The following SLC25A21 variants were observed in gnomAD, a reference collection of about 807,000 sequenced individuals.
SLC25A21 encodes solute carrier family 25 member 21, also known as mitochondrial 2-oxodicarboxylate carrier.
In SLC25A21, 47 loss-of-function variants were observed where a neutral mutation model predicts 43.8. The observed-to-expected ratio is 1.07, with a 90% CI of 0.85 to 1.37. The LOEUF (loss-of-function observed/expected upper bound fraction) is 1.37. SLC25A21 is among the 40% of genes most tolerant of loss of function. The probability of loss-of-function intolerance (pLI) is 0.00; values close to 1 mark genes in which losing one functional copy is unlikely to be tolerated. For synonymous variants in SLC25A21, 131 were observed against 121.3 expected, an observed-to-expected ratio of 1.08 and a Z score of -0.52; for missense variants, 352 against 350.2, an observed-to-expected ratio of 1.00 and a Z score of -0.04.
At position 37,152,412 on chromosome 14, in the gene SLC25A21, C is replaced by T. The variant is rs184457100; in HGVS notation, c.70+19869G>A. Among the ~76,000 whole-genome samples the T allele has an allele frequency of 7.5e-4, 101 of 135,452 alleles. 1 individual carries two copies. Among genetic ancestry groups the T allele is most frequent in the African/African-American group, 2.4e-3 (86 of 36,222 alleles). The allele number at this position is 135,452 out of a possible 152,430, so 88.9% of individuals were successfully genotyped here. A position where few individuals can be genotyped will look rare whatever the true frequency, so the allele number is the denominator to read the frequency against. On this transcript the variant is annotated intron_variant, in intron 1 of 9. Transcript: ENST00000331299. ...TTTTTTTTTTTTTTTGACAGAGTCT[C>T]GCTCTCTCACCCAGACTGAAGTGCA... is the stretch of plus-strand genomic sequence containing the variant.
intron 1 of SLC25A21, among the ~76,000 whole-genome samples, chr14:37,014,803 ATGTT>A (rs1247942832): frequency 6.6e-6 from 1 of 152,158 alleles, no homozygotes; most frequent in Non-Finnish European, 1.5e-5. Context: ...TGCAGAATAA[ATGTT>A]GTGTTGGCAG....
At chr14:36,934,891 A>T (rs1333232423) in intron 1 of SLC25A21, among the ~76,000 whole-genome samples, 1 of 152,006 alleles carries the variant, frequency 6.6e-6, no homozygotes, top group East Asian at 1.9e-4. Flanking sequence ...TTTCATTTTC[A>T]TGAGTTTCAT....
At chr14:37,012,584 T>G in intron 1 of SLC25A21, among the ~76,000 whole-genome samples, 1 of 152,214 alleles carries the variant, frequency 6.6e-6, no homozygotes, top group East Asian at 1.9e-4. Flanking sequence ...GTTTAGTATT[T>G]TCTGGAGTTT....
intron 1 of SLC25A21, among the ~76,000 whole-genome samples, chr14:36,898,298 T>A (rs1891302231): frequency 6.6e-6 from 1 of 152,192 alleles, no homozygotes; most frequent in Non-Finnish European, 1.5e-5. Flanking sequence ...GTGCTAGCAA[T>A]GAGCGAGGCT....
intron 1 of SLC25A21, among the ~76,000 whole-genome samples, chr14:37,148,536 T>G (rs1462677067): frequency 6.6e-6 from 1 of 152,216 alleles, no homozygotes. Flanking sequence ...GTCAAAGTAT[T>G]TGACGTCTAA....
intron 1 of SLC25A21, among the ~76,000 whole-genome samples, chr14:37,170,311 G>A (rs1964101018): frequency 6.6e-6 from 1 of 152,216 alleles, no homozygotes; most frequent in East Asian, 1.9e-4. Context: ...TGGGATTACA[G>A]GCGTAAGACA....
At chr14:36,902,494 T>C (rs535648608) in intron 1 of SLC25A21, among the ~76,000 whole-genome samples, 84 of 152,290 alleles carry the variant, frequency 5.5e-4, no homozygotes, top group African/African-American at 1.9e-3. Context: ...TTGAGTTTTG[T>C]ATCAAGTTTC....
intron 1 of SLC25A21, among the ~76,000 whole-genome samples, chr14:37,086,113 A>T (rs903881882): frequency 6.6e-6 from 1 of 152,188 alleles, no homozygotes; most frequent in African/African-American, 2.4e-5. Flanking sequence ...TCAAAAAAAA[A>T]ATGAAAACTT....
intron 1 of SLC25A21, among the ~76,000 whole-genome samples, chr14:37,068,477 T>C (rs1157989747): frequency 6.6e-6 from 1 of 152,232 alleles, no homozygotes; most frequent in East Asian, 1.9e-4. Context: ...GAAAGAGTTA[T>C]ATGTGTTTTG....
At chr14:37,087,279 C>A (rs2138845975) in intron 1 of SLC25A21, among the ~76,000 whole-genome samples, 1 of 152,298 alleles carries the variant, frequency 6.6e-6, no homozygotes, top group East Asian at 1.9e-4. Flanking sequence ...TTTCCATCAT[C>A]TGAATAAAAT....
rs1266794368 is a variant in SLC25A21 at position 36,683,767 on chromosome 14, C to CA, written c.838+60dup. On this transcript the variant is annotated intron_variant, in intron 9 of 9. Coordinates refer to ENST00000331299, the MANE Select transcript of SLC25A21 (RefSeq NM_030631.4). ...TTTTGTTGCTGATGGACACAAATAT[C>CA]AAAAAAAGAGACGCTAGAACAATAA... The CA allele has an allele frequency of 3.1e-5, 38 of 1,236,948 alleles. 1 individual carries two copies. Among genetic ancestry groups the CA allele is most frequent in the Admixed American group, 9.1e-5 (4 of 44,094 alleles). 76.6% of individuals were successfully genotyped at this position (1,236,948 alleles called of 1,614,324 possible).
chr14:37,129,471 T>A (rs1445175118), intron 1 of SLC25A21, among the ~76,000 whole-genome samples: 2 of 152,134 alleles, frequency 1.3e-5, no homozygotes, highest in Non-Finnish European at 2.9e-5. Context: ...CCAGTGTTCC[T>A]TTTGGGATTG....
chr14:37,081,581 C>G (rs947422589), intron 1 of SLC25A21, among the ~76,000 whole-genome samples: 1 of 152,164 alleles, frequency 6.6e-6, no homozygotes. Flanking sequence ...GGCCCACAAA[C>G]AAAGAGGGAA....
At chr14:37,028,798 C>T (rs937366983) in intron 1 of SLC25A21, among the ~76,000 whole-genome samples, 3 of 152,124 alleles carry the variant, frequency 2.0e-5, no homozygotes, top group Non-Finnish European at 2.9e-5. Flanking sequence ...GAGAACATTA[C>T]ATCAGAAAAT....
At chr14:37,104,859 G>A (rs1241734546) in intron 1 of SLC25A21, among the ~76,000 whole-genome samples, 1 of 152,152 alleles carries the variant, frequency 6.6e-6, no homozygotes, top group Admixed American at 6.6e-5. Context: ...TCCAAGAAGG[G>A]AACAGCCCAC....
At chr14:36,798,305 G>T (rs1887742831) in intron 3 of SLC25A21, among the ~76,000 whole-genome samples, 1 of 152,142 alleles carries the variant, frequency 6.6e-6, no homozygotes, top group African/African-American at 2.4e-5. Context: ...TTTCTGTCTG[G>T]AAAGTCCCTT....
chr14:36,759,372 T>C (rs1886055721), intron 3 of SLC25A21, among the ~76,000 whole-genome samples: 1 of 152,250 alleles, frequency 6.6e-6, no homozygotes, highest in African/African-American at 2.4e-5. Flanking sequence ...AGACCTTTTT[T>C]TCTGTACATA....
intron 1 of SLC25A21, among the ~76,000 whole-genome samples, chr14:36,954,117 C>T (rs1450734441): frequency 6.6e-6 from 1 of 152,158 alleles, no homozygotes; most frequent in Non-Finnish European, 1.5e-5. Context: ...AACCTGCTCT[C>T]ATTTTTATTA....
intron 1 of SLC25A21, among the ~76,000 whole-genome samples, chr14:36,912,655 G>A (rs1288038445): frequency 2.6e-5 from 4 of 152,160 alleles, no homozygotes; most frequent in African/African-American, 9.7e-5. Context: ...ATAAATTAAT[G>A]TTCAATGTAT....
Sources: allele counts gnomAD v4.1 joint callset (sites outside exome capture counted in the v4.1 genomes callset), GRCh38; gene constraint gnomAD v4.1.1; transcripts MANE v1.5; gene names NCBI Gene and HGNC (gene_info 2026-07-23, HGNC 2026-07-21).